The following LHX6 variants were observed in gnomAD, a reference collection of about 807,000 sequenced individuals.
LHX6 encodes LIM homeobox 6.
LHX6 carries 15 observed loss-of-function variants against 47.1 expected under a neutral mutation model. The observed-to-expected ratio is 0.32, with a 90% CI of 0.21 to 0.49. The LOEUF (loss-of-function observed/expected upper bound fraction) is 0.49, where lower values mean the gene tolerates loss of function less well. Among genes scored for constraint, LHX6 ranks in the 20% least tolerant of loss-of-function variants. The probability of loss-of-function intolerance (pLI) is 0.99; values close to 1 mark genes in which losing one functional copy is unlikely to be tolerated. For missense variants in LHX6, 404 were observed against 539.6 expected, an observed-to-expected ratio of 0.75 and a Z score of 2.49; for synonymous variants, 242 against 233.5, an observed-to-expected ratio of 1.04 and a Z score of -0.33.
chr9:122,211,984 G>C (rs1470584063), intron 8 of LHX6, among the ~76,000 whole-genome samples: 1 of 152,140 alleles, frequency 6.6e-6, no homozygotes, highest in African/African-American at 2.4e-5. Context: ...GTTCAGAAAT[G>C]GAACTATATA....
chr9:122,218,819 T>C (rs541507657), intron 4 of LHX6, among the ~76,000 whole-genome samples: 13 of 152,210 alleles, frequency 8.5e-5, no homozygotes, highest in African/African-American at 2.9e-4. Context: ...CTCCCAGGTC[T>C]TTATGGCCTC....
intron 1 of LHX6, chr9:122,227,973 C>T (rs1831181777): frequency 4.9e-6 from 1 of 203,168 alleles, no homozygotes; most frequent in African/African-American, 2.4e-5. Flanking sequence ...CACCCCACTC[C>T]CCTTCCTCGC....
chr9:122,226,856 G>C lies in LHX6; in HGVS notation c.331C>G (p.Leu111Val). ...ACCTACCCCTGTCTCACCTTGAGCAGATATCGGTCCAGGATCTCGAGGCCG... is the reference window on the plus strand; with the variant it reads ...ACCTACCCCTGTCTCACCTTGAGCACATATCGGTCCAGGATCTCGAGGCCG... Reference protein sequence around the residue: ...SCGLEILDRYLLKVNNLIWHV... With the variant: ...SCGLEILDRYVLKVNNLIWHV... The change falls in exon 3 of 10, where the codon CTG becomes GTG. Residue 111 changes from leucine to valine, a missense_variant. Leu to Val is a conservative substitution (Grantham distance 32, BLOSUM62 1). This residue lies in a region of LHX6 where 53 missense variants were observed against 97.4 expected (regional missense o/e 0.54). Coordinates refer to ENST00000394319, the MANE Select transcript of LHX6 (RefSeq NM_014368.5). The surrounding 1 kb of genome is among the most constrained non-coding windows in gnomAD (Gnocchi z 6.5). 1.3e-6 allele frequency: 2 copies of C among 1,565,716 alleles called. No individual in the cohort carries two copies. Among genetic ancestry groups the C allele is most frequent in the East Asian group, 2.3e-5 (1 of 42,830 alleles).
Position 122,217,468 on chromosome 9 carries a change from G to T in LHX6, c.462-180C>A, listed in dbSNP as rs984226045. On this transcript the variant is annotated intron_variant, in intron 4 of 9. Transcript: ENST00000394319. This position sits in a 1 kb window ranked among gnomAD's most constrained non-coding sequence, Gnocchi z 4.9. ...CTAGTCCCACCTAGGAGATGAACTG[G>T]TGGGTGATTTTTATTTTCTTCTTGG... is the stretch of plus-strand genomic sequence containing the variant. Among the ~76,000 whole-genome samples, 1 of 152,182 alleles carries T rather than the reference G, an allele frequency of 6.6e-6. No homozygotes were observed. The highest frequency in any genetic ancestry group is 1.5e-5 in the Non-Finnish European group (1 of 68,040).
chr9:122,226,033 G>C lies in LHX6; in HGVS notation c.461+343C>G, dbSNP rs1210112137. Among the ~76,000 whole-genome samples, 1 of 152,174 alleles carries C rather than the reference G, an allele frequency of 6.6e-6. No individual in the cohort carries two copies. Among genetic ancestry groups the C allele is most frequent in the Non-Finnish European group, 1.5e-5 (1 of 68,032 alleles). The stretch of plus-strand genomic sequence containing the variant: ...ACGGCTGGGATCCGAGTGGGTCCGG[G>C]CCAGAAATGGGGACCTCAGAGCTCC... On this transcript the variant is annotated intron_variant, in intron 4 of 9. Coordinates refer to ENST00000394319, the MANE Select transcript of LHX6 (RefSeq NM_014368.5). This position sits in a 1 kb window ranked among gnomAD's most constrained non-coding sequence, Gnocchi z 6.5.
Position 122,203,175 on chromosome 9 carries a change from A to C in LHX6, c.*1585T>G, listed in dbSNP as rs1422116102. The C allele has an allele frequency of 6.6e-6, 1 of 152,614 alleles. No individual in the cohort carries two copies. The highest frequency in any genetic ancestry group is 1.5e-5 in the Non-Finnish European group (1 of 68,056). The allele number at this position is 152,614 out of a possible 1,614,324, so 9.5% of individuals were successfully genotyped here. ...GAAGCAGGTTCCCTTCTTAGGCTGC[A>C]CCTGTGCCTACCCTGCCTGTAGATC... On this transcript the variant is annotated 3_prime_UTR_variant, in exon 10 of 10. Transcript: ENST00000394319.
Position 122,228,836 on chromosome 9 carries a change from A to C in LHX6, c.-96T>G. The C allele has an allele frequency of 1.2e-6, 1 of 859,206 alleles. No individual in the cohort carries two copies. The highest frequency in any genetic ancestry group is 1.5e-6 in the Non-Finnish European group (1 of 660,936). The allele number at this position is 859,206 out of a possible 1,614,324, so 53.2% of individuals were successfully genotyped here. A position where few individuals can be genotyped will look rare whatever the true frequency, so the allele number is the denominator to read the frequency against. The stretch of plus-strand genomic sequence containing the variant: ...TGGGAGCAGAGGCTGCTGCAGGAGC[A>C]GGAGGAGAGCCGAGGCGCCGGCCCC... On this transcript the variant is annotated 5_prime_UTR_variant, in exon 1 of 10. Coordinates refer to ENST00000394319, the MANE Select transcript of LHX6 (RefSeq NM_014368.5).
intron 8 of LHX6, among the ~76,000 whole-genome samples, chr9:122,211,882 AT>A (rs1830409345): frequency 6.6e-6 from 1 of 152,214 alleles, no homozygotes. Flanking sequence ...AGCGCCCCTG[AT>A]CCTTGGCACC....
Position 122,217,424 on chromosome 9 carries a change from A to C in LHX6, c.462-136T>G. The stretch of plus-strand genomic sequence containing the variant: ...AACTCAGGCATTAGCCTTAGCTTGG[A>C]CGCAACAACACTCTACACCTAGTCC... On this transcript the variant is annotated intron_variant, in intron 4 of 9. Coordinates refer to ENST00000394319, the MANE Select transcript of LHX6 (RefSeq NM_014368.5). This position sits in a 1 kb window ranked among gnomAD's most constrained non-coding sequence, Gnocchi z 4.9. 1.6e-6 allele frequency: 1 copy of C among 636,084 alleles called. No individual in the cohort carries two copies. Among genetic ancestry groups the C allele is most frequent in the Non-Finnish European group, 2.7e-6 (1 of 365,492 alleles). 39.4% of individuals were successfully genotyped at this position (636,084 alleles called of 1,614,324 possible).
intron 8 of LHX6, among the ~76,000 whole-genome samples, chr9:122,211,230 A>T (rs1830386863): frequency 6.6e-6 from 1 of 152,186 alleles, no homozygotes; most frequent in Non-Finnish European, 1.5e-5. Flanking sequence ...CTGATATATA[A>T]ACCGGGACAA....
intron 5 of LHX6, 148 bp downstream of exon 5, chr9:122,216,919 CT>C (rs1830612968): frequency 1.6e-6 from 1 of 640,376 alleles, no homozygotes; most frequent in South Asian, 1.9e-5. Context: ...AGTGCAAGAT[CT>C]GTTCGCCGCC....
Position 122,226,865 on chromosome 9 carries a change from C to T in LHX6, c.322G>A (p.Asp108Asn), listed in dbSNP as rs2118917947. 3 of 1,567,864 alleles carry T rather than the reference C, an allele frequency of 1.9e-6. No homozygotes were observed. The highest frequency in any genetic ancestry group is 2.6e-6 in the Non-Finnish European group (3 of 1,156,626). The change falls in exon 3 of 10, where the codon GAC becomes AAC. Residue 108 changes from aspartate to asparagine, a missense_variant. This residue lies in a region of LHX6 where 53 missense variants were observed against 97.4 expected (regional missense o/e 0.54). Coordinates refer to ENST00000394319, the MANE Select transcript of LHX6 (RefSeq NM_014368.5). The surrounding 1 kb of genome is among the most constrained non-coding windows in gnomAD (Gnocchi z 6.5). ...ICSSCGLEIL[D>N]RYLLKVNNLI... ...TGTCTCACCTTGAGCAGATATCGGT[C>T]CAGGATCTCGAGGCCGCAGCTGGAG...
chr9:122,228,672 GC>G lies in LHX6; in HGVS notation c.68del (p.Gly23AlafsTer7). 2 of 1,288,124 alleles carry G rather than the reference GC, an allele frequency of 1.6e-6. No homozygotes were observed. Among genetic ancestry groups the G allele is most frequent in the Non-Finnish European group, 2.0e-6 (2 of 1,018,852 alleles). The allele number at this position is 1,288,124 out of a possible 1,614,324, so 79.8% of individuals were successfully genotyped here. On this transcript the variant is annotated frameshift_variant, in exon 1 of 10. Transcript: ENST00000394319. LOFTEE classifies it high-confidence loss of function. ...GCCGGCTCACCTGGTCGGTGGCGGG[GC>G]CGCCCTCGGCCGGCAGCCGGCAGCC... ...PEGCRLPAEG[G>X]PATDQVMAQP... is the part of the protein sequence containing the mutation.
chr9:122,221,562 A>T, intron 4 of LHX6: 2 of 985,668 alleles, frequency 2.0e-6, no homozygotes, highest in South Asian at 9.4e-5. Flanking sequence ...GCACTCACTG[A>T]ACCCCCACCC....
chr9:122,223,848 G>A (rs1830977559), intron 4 of LHX6, among the ~76,000 whole-genome samples: 1 of 152,174 alleles, frequency 6.6e-6, no homozygotes, highest in Non-Finnish European at 1.5e-5. Flanking sequence ...ATTTGGGCAA[G>A]TAGTGAATAA....
Position 122,213,655 on chromosome 9 carries a change from G to A in LHX6, c.1005C>T (p.Phe335=). The A allele has an allele frequency of 6.2e-7, 1 of 1,611,010 alleles. No individual in the cohort carries two copies. Among genetic ancestry groups the A allele is most frequent in the Non-Finnish European group, 8.5e-7 (1 of 1,179,000 alleles). ...CCATGCGCGCCCGCTCGGGGCTGCT[G>A]AACGGGGTGTAGTGGATGTCGTCGG... The part of the protein sequence containing the change: ...ALSDDIHYTP[F]SSPERARMVT... The change falls in exon 8 of 10, where the codon TTC becomes TTT. Residue 335 remains phenylalanine (F), a synonymous_variant. Coordinates refer to ENST00000394319, the MANE Select transcript of LHX6 (RefSeq NM_014368.5). This position sits in a 1 kb window ranked among gnomAD's most constrained non-coding sequence, Gnocchi z 5.5.
chr9:122,221,428 G>T (rs532820125), intron 4 of LHX6: 7 of 985,410 alleles, frequency 7.1e-6, no homozygotes, highest in African/African-American at 7.0e-5. Flanking sequence ...TTTGCGGGAG[G>T]GGGTAGGCTT....
chr9:122,227,550 C>A, intron 1 of LHX6, 70 bp from the exon 2 acceptor site: 3 of 1,446,140 alleles, frequency 2.1e-6, no homozygotes, highest in Non-Finnish European at 1.8e-6. Flanking sequence ...CTGAGCCCAG[C>A]GCCTCCCCGC....
At position 122,221,077 on chromosome 9, in the gene LHX6, C is replaced by T. The variant is rs1273804480; in HGVS notation, c.462-3789G>A. 5 of 985,322 alleles carry T rather than the reference C, an allele frequency of 5.1e-6. No homozygotes were observed. The African/African-American group carries it at 8.7e-5, about 17-fold the overall frequency. 61.0% of individuals were successfully genotyped at this position (985,322 alleles called of 1,614,324 possible). ...GCTATTGAGCCGAGAGGCCGAAACT[C>T]AAACGGAGGTTCACTTATTTTAGGT... On this transcript the variant is annotated intron_variant, in intron 4 of 9. Coordinates refer to ENST00000394319, the MANE Select transcript of LHX6 (RefSeq NM_014368.5).
Sources: allele counts gnomAD v4.1 joint callset (sites outside exome capture counted in the v4.1 genomes callset), GRCh38; gene constraint gnomAD v4.1.1; regional missense constraint gnomAD v4.1.1; non-coding constraint Gnocchi (gnomAD v3.1); transcripts MANE v1.5; gene names NCBI Gene and HGNC (gene_info 2026-07-23, HGNC 2026-07-21).